The following CDH11 variants were observed in gnomAD, a reference collection of about 807,000 sequenced individuals.
The protein encoded by CDH11 is cadherin 11, also known as cadherin-11.
Under a neutral mutation model 67.8 loss-of-function variants are expected in CDH11, and 11 were observed. The ratio of observed to expected loss-of-function variants is 0.16; its 90% confidence interval spans 0.10 to 0.27. The LOEUF (loss-of-function observed/expected upper bound fraction) is 0.27. Ranked by LOEUF, CDH11 falls within the 10% of genes least tolerant of loss-of-function variation. The probability of loss-of-function intolerance (pLI) is 1.00; values close to 1 mark genes in which losing one functional copy is unlikely to be tolerated. For missense variants in CDH11, 847 were observed against 1,031.2 expected (o/e 0.82, Z 2.45); for synonymous variants, 419 against 400.0 (o/e 1.05, Z -0.57).
chr16:65,078,634 T>C (rs2074557312), intron 1 of CDH11, among the ~76,000 whole-genome samples: 1 of 152,180 alleles, frequency 6.6e-6, no homozygotes, highest in African/African-American at 2.4e-5. Flanking sequence ...TCTAGTCTAA[T>C]AGACATTTTT....
chr16:65,023,374 G>A (rs931779972), intron 2 of CDH11, among the ~76,000 whole-genome samples: 1 of 152,212 alleles, frequency 6.6e-6, no homozygotes, highest in African/African-American at 2.4e-5. Context: ...GTCCCGATGG[G>A]AGTCTACATT....
At chr16:64,989,247 G>A (rs1297260406) in intron 6 of CDH11, among the ~76,000 whole-genome samples, 1 of 152,116 alleles carries the variant, frequency 6.6e-6, no homozygotes, top group Admixed American at 6.6e-5. Context: ...GTAAATGTGT[G>A]AGTGGCCATG....
intron 1 of CDH11, among the ~76,000 whole-genome samples, chr16:65,095,386 A>G (rs1474087466): frequency 6.6e-6 from 1 of 152,192 alleles, no homozygotes; most frequent in East Asian, 1.9e-4. Flanking sequence ...CATCTAAAGT[A>G]ACTTCTAAAT....
chr16:65,005,089 C>G, intron 2 of CDH11, 48 bp from the exon 3 acceptor site: 1 of 1,334,878 alleles, frequency 7.5e-7, no homozygotes, highest in Non-Finnish European at 9.6e-7. Context: ...ATCCCCACTT[C>G]ATTTCCATTC....
chr16:65,007,335 T>A (rs1459249545), intron 2 of CDH11, among the ~76,000 whole-genome samples: 2 of 152,160 alleles, frequency 1.3e-5, no homozygotes, highest in Admixed American at 1.3e-4. Flanking sequence ...AATAGGGGAC[T>A]TGAAACTCTT....
chr16:65,079,861 G>A (rs1290759113), intron 1 of CDH11, among the ~76,000 whole-genome samples: 1 of 152,156 alleles, frequency 6.6e-6, no homozygotes, highest in Non-Finnish European at 1.5e-5. Context: ...GTTTCATCAA[G>A]TGAAATCAAC....
chr16:65,005,021 G>A lies in CDH11; in HGVS notation c.-152C>T. On this transcript the variant is annotated 5_prime_UTR_variant, in exon 3 of 13. It introduces an in-frame stop codon into an upstream open reading frame of the 5' UTR. Coordinates refer to ENST00000268603, the MANE Select transcript of CDH11 (RefSeq NM_001797.4). ...TGGTTGAGCTCATCACGTCAGGGCT[G>A]CCCACGTCCCCAGTTAGCTTCTGCA... 7.3e-7 allele frequency: 1 copy of A among 1,362,404 alleles called. No individual in the cohort carries two copies. The highest frequency in any genetic ancestry group is 9.5e-7 in the Non-Finnish European group (1 of 1,057,258). 84.4% of individuals were successfully genotyped at this position (1,362,404 alleles called of 1,614,324 possible). A position where few individuals can be genotyped will look rare whatever the true frequency, so the allele number is the denominator to read the frequency against.
At chr16:65,010,512 C>A (rs1325694237) in intron 2 of CDH11, among the ~76,000 whole-genome samples, 1 of 152,066 alleles carries the variant, frequency 6.6e-6, no homozygotes, top group African/African-American at 2.4e-5. Context: ...TGGAGCAAGG[C>A]ATAAGCTTGG....
intron 12 of CDH11, 79 bp from the exon 13 acceptor site, chr16:64,948,178 C>T: frequency 6.6e-7 from 1 of 1,525,392 alleles, no homozygotes; most frequent in Non-Finnish European, 8.8e-7. Flanking sequence ...ACTCTGATTA[C>T]CATAAACCAT....
chr16:65,099,451 G>C (rs2074953978), intron 1 of CDH11, among the ~76,000 whole-genome samples: 1 of 151,938 alleles, frequency 6.6e-6, no homozygotes, highest in African/African-American at 2.4e-5. Flanking sequence ...AATGGCCTCA[G>C]AGATGGACTG....
intron 2 of CDH11, among the ~76,000 whole-genome samples, chr16:65,047,799 G>C: frequency 6.6e-6 from 1 of 152,140 alleles, no homozygotes; most frequent in East Asian, 1.9e-4. Flanking sequence ...CTTCTGTACT[G>C]TTCCCTTTGC....
chr16:64,948,627 C>G (rs752657036), intron 12 of CDH11: 2 of 1,611,886 alleles, frequency 1.2e-6, no homozygotes, highest in South Asian at 2.2e-5. Context: ...TGGTTGGACT[C>G]TCTGTAGCCA....
At chr16:65,110,168 G>A (rs2075132231) in intron 1 of CDH11, among the ~76,000 whole-genome samples, 1 of 152,104 alleles carries the variant, frequency 6.6e-6, no homozygotes, top group Non-Finnish European at 1.5e-5. Flanking sequence ...ATTGCACCCA[G>A]CCTATTCAAT....
intron 12 of CDH11, among the ~76,000 whole-genome samples, chr16:64,949,369 T>A (rs2071288354): frequency 6.6e-6 from 1 of 151,560 alleles, no homozygotes; most frequent in African/African-American, 2.4e-5. Flanking sequence ...GTATGTCACA[T>A]CCTCCAGGAA....
At position 64,947,494 on chromosome 16, in the gene CDH11, C is replaced by G; in HGVS notation, c.*109G>C. The G allele has an allele frequency of 6.6e-7, 1 of 1,507,882 alleles. No individual in the cohort carries two copies. Among genetic ancestry groups the G allele is most frequent in the Non-Finnish European group, 8.8e-7 (1 of 1,131,302 alleles). 93.4% of individuals were successfully genotyped at this position (1,507,882 alleles called of 1,614,324 possible). A position where few individuals can be genotyped will look rare whatever the true frequency, so the allele number is the denominator to read the frequency against. Reference sequence around the variant, plus strand: ...ATGTATCCTCTCTGTAAAACTTTGCCTGTTTTAAATGAGCCTTTCCTTGAT... The same window carrying G: ...ATGTATCCTCTCTGTAAAACTTTGCGTGTTTTAAATGAGCCTTTCCTTGAT... On this transcript the variant is annotated 3_prime_UTR_variant, in exon 13 of 13. Transcript: ENST00000268603.
intron 11 of CDH11, among the ~76,000 whole-genome samples, chr16:64,970,545 G>A (rs1161191877): frequency 1.3e-5 from 2 of 152,176 alleles, no homozygotes; most frequent in Non-Finnish European, 2.9e-5. Context: ...AAAATTAAGT[G>A]GACAGAGTGT....
chr16:65,015,691 A>G (rs1253834544), intron 2 of CDH11, among the ~76,000 whole-genome samples: 1 of 152,192 alleles, frequency 6.6e-6, no homozygotes, highest in Admixed American at 6.5e-5. Flanking sequence ...TTTGCAGTGG[A>G]GAACTGAACT....
At position 65,035,820 on chromosome 16, in the gene CDH11, C is replaced by T. The variant is rs534299672; in HGVS notation, c.-173+17984G>A. Among the ~76,000 whole-genome samples the T allele has an allele frequency of 1.7e-3, 264 of 152,148 alleles. 1 individual carries two copies. The highest frequency in any genetic ancestry group is 5.8e-3 in the African/African-American group (239 of 41,498). ...ACCTAGTCTTTAGTATTCAGAGATC[C>T]GAGTGAAGATGAAGGCTGCTATCTG... On this transcript the variant is annotated intron_variant, in intron 2 of 12. Coordinates refer to ENST00000268603, the MANE Select transcript of CDH11 (RefSeq NM_001797.4).
chr16:65,006,957 T>C (rs2073068714), intron 2 of CDH11: 1 of 152,224 alleles, frequency 6.6e-6, no homozygotes, highest in Admixed American at 6.5e-5. Context: ...CCTTCAACTA[T>C]AATTGTGAGG....
Sources: allele counts gnomAD v4.1 joint callset (sites outside exome capture counted in the v4.1 genomes callset), GRCh38; gene constraint gnomAD v4.1.1; transcripts MANE v1.5; gene names NCBI Gene and HGNC (gene_info 2026-07-23, HGNC 2026-07-21).